Variants in ADAMTS16 observed in about 807,000 individuals in gnomAD.
ADAMTS16 encodes ADAM metallopeptidase with thrombospondin type 1 motif 16.
ADAMTS16 carries 94 observed loss-of-function variants against 145.8 expected under a neutral mutation model. That is an observed-to-expected ratio of 0.64 (90% CI 0.55 to 0.77). ADAMTS16 has a LOEUF of 0.77. ADAMTS16 is among the 30% of genes least tolerant of loss of function. The probability of loss-of-function intolerance (pLI) is 0.00; values close to 1 mark genes in which losing one functional copy is unlikely to be tolerated. For missense variants in ADAMTS16, 1,585 were observed against 1,591.5 expected, an observed-to-expected ratio of 1.00 and a Z score of 0.07; for synonymous variants, 659 against 604.3, an observed-to-expected ratio of 1.09 and a Z score of -1.33.
chr5:5,256,525 A>G (rs939589563), intron 17 of ADAMTS16, among the ~76,000 whole-genome samples: 1 of 152,238 alleles, frequency 6.6e-6, no homozygotes, highest in Non-Finnish European at 1.5e-5. Context: ...TTATCCAATT[A>G]ACAGGTAAAT....
At chr5:5,149,136 T>C (rs766517611) in intron 3 of ADAMTS16, among the ~76,000 whole-genome samples, 1 of 152,192 alleles carries the variant, frequency 6.6e-6, no homozygotes, top group African/African-American at 2.4e-5. Context: ...GTATAATATA[T>C]TCAATGGGAT....
intron 8 of ADAMTS16, among the ~76,000 whole-genome samples, chr5:5,198,279 C>T (rs926326744): frequency 6.6e-6 from 1 of 152,180 alleles, no homozygotes; most frequent in East Asian, 1.9e-4. Context: ...ATCTTTTTCA[C>T]AGCCATGACA....
chr5:5,309,838 G>GTGTA (rs1740346875), intron 21 of ADAMTS16, among the ~76,000 whole-genome samples: 1 of 151,336 alleles, frequency 6.6e-6, no homozygotes, highest in Admixed American at 6.6e-5. Flanking sequence ...GTGTGTGTGT[G>GTGTA]TGTGTGTGTG....
chr5:5,147,395 G>A (rs1364464220), intron 3 of ADAMTS16, among the ~76,000 whole-genome samples: 1 of 152,148 alleles, frequency 6.6e-6, no homozygotes, highest in Non-Finnish European at 1.5e-5. Flanking sequence ...CCCTCTTTGA[G>A]GAGAGGGAAT....
intron 22 of ADAMTS16, among the ~76,000 whole-genome samples, 187 bp downstream of exon 22, chr5:5,318,468 A>G (rs6885895): frequency 6.6e-6 from 1 of 152,082 alleles, no homozygotes; most frequent in Admixed American, 6.5e-5. Flanking sequence ...ATGATGCCCC[A>G]GGACAACATA....
chr5:5,232,303 GAT>G, intron 11 of ADAMTS16, 63 bp from the exon 12 acceptor site: 17 of 1,590,672 alleles, frequency 1.1e-5, no homozygotes, highest in Non-Finnish European at 1.4e-5. Context: ...TTATAGCAGT[GAT>G]GAGATGAACC....
intron 10 of ADAMTS16, among the ~76,000 whole-genome samples, chr5:5,212,204 GTTTTGTT>G (rs2126322301): frequency 1.2e-5 from 1 of 84,770 alleles, no homozygotes. Flanking sequence ...TTTTTGTTTT[GTTTTGTT>G]TTGTTTTTTT....
At chr5:5,160,348 A>G (rs1734709834) in intron 3 of ADAMTS16, among the ~76,000 whole-genome samples, 1 of 152,182 alleles carries the variant, frequency 6.6e-6, no homozygotes, top group African/African-American at 2.4e-5. Context: ...CTAATTATCT[A>G]TTCTGCCTTC....
At position 5,200,177 on chromosome 5, in the gene ADAMTS16, C is replaced by A; in HGVS notation, c.1359C>A (p.Ser453=). ...HDGEGNMCKK[S]EGNIMSPTLA... ...GAGAAGGGAACATGTGCAAAAAGTCCGAGGGCAACATCATGTCCCCTACAT... is the reference window on the plus strand; with the variant it reads ...GAGAAGGGAACATGTGCAAAAAGTCAGAGGGCAACATCATGTCCCCTACAT... Residue 453 remains serine (S), a synonymous_variant, in exon 9 of 23, where the codon TCC becomes TCA. Coordinates refer to ENST00000274181, the MANE Select transcript of ADAMTS16 (RefSeq NM_139056.4). 1 of 1,613,682 alleles carries A rather than the reference C, an allele frequency of 6.2e-7. No individual in the cohort carries two copies. The highest frequency in any genetic ancestry group is 2.2e-5 in the East Asian group (1 of 44,860).
intron 3 of ADAMTS16, among the ~76,000 whole-genome samples, chr5:5,168,692 A>AG (rs1734962542): frequency 5.8e-5 from 1 of 17,378 alleles, no homozygotes; most frequent in African/African-American, 2.3e-4. Flanking sequence ...ATATAATTAT[A>AG]TAAATATAAT....
intron 22 of ADAMTS16, 108 bp from the exon 23 acceptor site, chr5:5,318,915 C>A (rs899042700): frequency 1.3e-6 from 1 of 785,064 alleles, no homozygotes; most frequent in African/African-American, 1.7e-5. Flanking sequence ...TCTGCAGCAG[C>A]CGCAGAGCGT....
At chr5:5,245,535 C>A (rs1737416578) in intron 17 of ADAMTS16, among the ~76,000 whole-genome samples, 2 of 152,250 alleles carry the variant, frequency 1.3e-5, no homozygotes, top group South Asian at 4.2e-4. Context: ...CATAGACCTC[C>A]TGATGTTCTG....
intron 3 of ADAMTS16, among the ~76,000 whole-genome samples, chr5:5,168,961 C>T (rs746996749): frequency 1.3e-5 from 2 of 151,174 alleles, no homozygotes; most frequent in African/African-American, 2.4e-5. Context: ...TGTGCAGTGC[C>T]GCTTCCTCCA....
intron 21 of ADAMTS16, among the ~76,000 whole-genome samples, chr5:5,307,518 C>T (rs1740227460): frequency 6.6e-6 from 1 of 152,272 alleles, no homozygotes; most frequent in African/African-American, 2.4e-5. Flanking sequence ...GGAGTGACTG[C>T]GTGTGGCAAC....
Position 5,209,179 on chromosome 5 carries a change from A to G in ADAMTS16, c.1538A>G (p.Asp513Gly), listed in dbSNP as rs1406894312. The G allele has an allele frequency of 3.1e-6, 5 of 1,614,014 alleles. No homozygotes were observed. The highest frequency in any genetic ancestry group is 4.2e-6 in the Non-Finnish European group (5 of 1,179,944). The part of the protein sequence containing the change: ...YPEKLPGELY[D>G]ANTQCKWQFG... ...GAGAAATTGCCAGGAGAATTATATG[A>G]TGCAAACACACAGTGCAAGTGGCAG... The change falls in exon 10 of 23, where the codon GAT (aspartate) becomes GGT (glycine). Residue 513 changes from aspartate (D) to glycine (G), a missense_variant. Asp to Gly is a moderately conservative substitution (Grantham distance 94). Transcript: ENST00000274181.
chr5:5,305,037 CCCACACCACACACACA>C, intron 20 of ADAMTS16, among the ~76,000 whole-genome samples: 1 of 57,312 alleles, frequency 1.7e-5, no homozygotes. Context: ...ACACATCCAT[CCCACACCACACACACA>C]CATCCCACAC....
At chr5:5,211,183 A>T (rs1268611122) in intron 10 of ADAMTS16, among the ~76,000 whole-genome samples, 1 of 152,162 alleles carries the variant, frequency 6.6e-6, no homozygotes, top group Admixed American at 6.6e-5. Context: ...TTAAATGTTG[A>T]TTAGAATTCA....
intron 18 of ADAMTS16, among the ~76,000 whole-genome samples, chr5:5,282,098 T>C (rs1007025110): frequency 7.5e-6 from 1 of 134,100 alleles, no homozygotes; most frequent in African/African-American, 2.7e-5. Context: ...AGTGGCTGGT[T>C]TGGGAGATAA....
intron 9 of ADAMTS16, among the ~76,000 whole-genome samples, chr5:5,204,222 G>A (rs1180745103): frequency 6.6e-6 from 1 of 152,156 alleles, no homozygotes; most frequent in African/African-American, 2.4e-5. Flanking sequence ...GATCTCTCAA[G>A]CTCTTTAACA....
Sources: gnomAD v4.1 joint callset for allele counts (sites outside exome capture counted in the v4.1 genomes callset) on GRCh38, gnomAD v4.1.1 for gene constraint, MANE v1.5 for transcripts, NCBI Gene and HGNC (gene_info 2026-07-23, HGNC 2026-07-21) for gene names.